GABRB1: variants seen among roughly 807,000 people sequenced by gnomAD.
GABRB1 encodes the protein gamma-aminobutyric acid type A receptor subunit beta1, also known as gamma-aminobutyric acid receptor subunit beta-1.
Under a neutral mutation model 51.6 loss-of-function variants are expected in GABRB1, and 17 were observed. The ratio of observed to expected loss-of-function variants is 0.33; its 90% CI spans 0.23 to 0.49. GABRB1 has a LOEUF of 0.49. Ranked by LOEUF, GABRB1 falls within the 20% of genes least tolerant of loss-of-function variation. The pLI is 0.99. For missense variants in GABRB1, 410 were observed against 600.6 expected, an observed-to-expected ratio of 0.68 and a Z score of 3.32; for synonymous variants, 247 against 218.9, an observed-to-expected ratio of 1.13 and a Z score of -1.14.
chr4:47,244,259 T>C (rs1366343992), intron 4 of GABRB1, among the ~76,000 whole-genome samples: 1 of 152,234 alleles, frequency 6.6e-6, no homozygotes, highest in Non-Finnish European at 1.5e-5. Context: ...CATAAGCTTT[T>C]TGACGTGCTG....
At chr4:47,285,719 C>T (rs905480440) in intron 4 of GABRB1, among the ~76,000 whole-genome samples, 1 of 152,164 alleles carries the variant, frequency 6.6e-6, no homozygotes, top group Non-Finnish European at 1.5e-5. Flanking sequence ...TCCTCAGTTT[C>T]TTCCTCTCTG....
At chr4:47,087,454 A>T (rs1577895831) in intron 3 of GABRB1, among the ~76,000 whole-genome samples, 2 of 151,896 alleles carry the variant, frequency 1.3e-5, no homozygotes, top group East Asian at 3.9e-4. Context: ...CTGCAGAGCC[A>T]CTAACCCAGA....
chr4:47,398,956 AATTT>A (rs1375671879), intron 5 of GABRB1, among the ~76,000 whole-genome samples: 2 of 152,034 alleles, frequency 1.3e-5, no homozygotes, highest in African/African-American at 2.4e-5. Flanking sequence ...ACGTCCGGCT[AATTT>A]TCTGTATTTT....
chr4:47,341,456 G>T (rs1415118206), intron 5 of GABRB1, among the ~76,000 whole-genome samples: 2 of 152,138 alleles, frequency 1.3e-5, no homozygotes, highest in African/African-American at 4.8e-5. Flanking sequence ...AGCAAGTAAA[G>T]GTGGGTAATT....
intron 3 of GABRB1, among the ~76,000 whole-genome samples, chr4:47,134,109 A>G (rs1223772542): frequency 2.6e-5 from 4 of 152,210 alleles, no homozygotes; most frequent in African/African-American, 4.8e-5. Flanking sequence ...ATTGCTATTT[A>G]TAAGTTTTAA....
intron 3 of GABRB1, among the ~76,000 whole-genome samples, chr4:47,130,521 G>A (rs1005264018): frequency 2.6e-5 from 4 of 151,846 alleles, no homozygotes; most frequent in Admixed American, 6.6e-5. Context: ...ATTTATTCTG[G>A]CTCTTCTCAA....
chr4:47,213,552 C>A (rs1720446439), intron 4 of GABRB1, among the ~76,000 whole-genome samples: 1 of 151,604 alleles, frequency 6.6e-6, no homozygotes, highest in East Asian at 1.9e-4. Flanking sequence ...AATTTATGTT[C>A]TCAACTTTTA....
chr4:47,227,826 C>G (rs1025770177), intron 4 of GABRB1, among the ~76,000 whole-genome samples: 1 of 152,150 alleles, frequency 6.6e-6, no homozygotes, highest in Admixed American at 6.6e-5. Context: ...AGGACACTCT[C>G]TTTGCCTTGC....
chr4:47,153,936 A>T (rs1368552529), intron 3 of GABRB1, among the ~76,000 whole-genome samples: 4 of 152,078 alleles, frequency 2.6e-5, no homozygotes, highest in Admixed American at 2.6e-4. Flanking sequence ...CAACAATGGT[A>T]ATAAAGAATG....
At chr4:47,345,138 A>AT (rs1462672268) in intron 5 of GABRB1, among the ~76,000 whole-genome samples, 7 of 152,202 alleles carry the variant, frequency 4.6e-5, no homozygotes, top group Non-Finnish European at 1.0e-4. Flanking sequence ...GAACAATTGA[A>AT]TATTCTCTCT....
At chr4:47,308,099 T>C (rs1306084212) in intron 4 of GABRB1, among the ~76,000 whole-genome samples, 1 of 151,980 alleles carries the variant, frequency 6.6e-6, no homozygotes, top group Non-Finnish European at 1.5e-5. Context: ...TTCATGAAAA[T>C]GTTTTAGCTT....
chr4:47,401,242 A>T (rs1395943378), intron 5 of GABRB1, among the ~76,000 whole-genome samples: 1 of 152,222 alleles, frequency 6.6e-6, no homozygotes, highest in Non-Finnish European at 1.5e-5. Context: ...TTGTATTTTT[A>T]AAAAGTCAAA....
intron 1 of GABRB1, among the ~76,000 whole-genome samples, chr4:47,024,652 G>A (rs1298861478): frequency 6.6e-6 from 1 of 151,566 alleles, no homozygotes; most frequent in Non-Finnish European, 1.5e-5. Context: ...TGATTTGTGA[G>A]ATTTTGGTGC....
intron 3 of GABRB1, among the ~76,000 whole-genome samples, chr4:47,128,275 T>G (rs770727379): frequency 4.0e-5 from 6 of 151,808 alleles, no homozygotes; most frequent in South Asian, 2.1e-4. Context: ...CTTTAACTGC[T>G]TGTACTAAAA....
At chr4:47,013,943 T>C (rs1278339271) in intron 1 of GABRB1, among the ~76,000 whole-genome samples, 1 of 152,184 alleles carries the variant, frequency 6.6e-6, no homozygotes, top group Admixed American at 6.5e-5. Flanking sequence ...CTATGGTTTG[T>C]GTTTTTTCTG....
At chr4:47,177,970 TA>T (rs1053947585) in intron 4 of GABRB1, among the ~76,000 whole-genome samples, 3 of 152,064 alleles carry the variant, frequency 2.0e-5, no homozygotes, top group Non-Finnish European at 2.9e-5. Flanking sequence ...TGAGGCTGAT[TA>T]AATGGATTAG....
chr4:47,200,072 G>A (rs1719840045), intron 4 of GABRB1, among the ~76,000 whole-genome samples: 1 of 152,176 alleles, frequency 6.6e-6, no homozygotes, highest in South Asian at 2.1e-4. Flanking sequence ...TGTATATAAA[G>A]GAGTGATCAT....
intron 4 of GABRB1, among the ~76,000 whole-genome samples, chr4:47,275,758 C>G (rs980865557): frequency 2.0e-5 from 3 of 152,128 alleles, no homozygotes; most frequent in African/African-American, 7.2e-5. Flanking sequence ...CTCCCAGAAT[C>G]TGCTATAGAA....
intron 4 of GABRB1, among the ~76,000 whole-genome samples, chr4:47,177,991 T>C (rs1330650165): frequency 6.6e-6 from 1 of 152,080 alleles, no homozygotes; most frequent in Non-Finnish European, 1.5e-5. Flanking sequence ...GGATGTATAT[T>C]ATAACTCCAT....
Sources: gnomAD v4.1 joint callset for allele counts (sites outside exome capture counted in the v4.1 genomes callset) on GRCh38, gnomAD v4.1.1 for gene constraint, MANE v1.5 for transcripts, NCBI Gene and HGNC (gene_info 2026-07-23, HGNC 2026-07-21) for gene names.